Variants in ZNF622 observed in about 807,000 individuals in gnomAD.
The protein encoded by ZNF622 is cytoplasmic 60S subunit biogenesis factor ZNF622.
ZNF622 carries 34 observed loss-of-function variants against 49.7 expected under a neutral mutation model. That is an observed-to-expected ratio of 0.68 (90% CI 0.52 to 0.91). The LOEUF is 0.91. ZNF622 is among the 40% of genes least tolerant of loss of function. ZNF622 has a pLI of 0.00. For missense variants in ZNF622, 569 were observed against 616.4 expected, an observed-to-expected ratio of 0.92 and a Z score of 0.81; for synonymous variants, 209 against 228.7, an observed-to-expected ratio of 0.91 and a Z score of 0.78.
At chr5:16,460,458 A>G (rs1335871358) in intron 3 of ZNF622, among the ~76,000 whole-genome samples, 1 of 152,218 alleles carries the variant, frequency 6.6e-6, no homozygotes, top group Non-Finnish European at 1.5e-5. Flanking sequence ...TCCACATAAA[A>G]TGCTTATTAG....
Position 16,455,931 on chromosome 5 carries a change from G to A in ZNF622, c.1162+2586C>T, listed in dbSNP as rs558182307. ...TTAGCACCACGTATGATGGGCTAAG[G>A]ACAGCTACACTTGAAGGCCCTCATC... On this transcript the variant is annotated intron_variant, in intron 4 of 5. Transcript: ENST00000308683. Among the ~76,000 whole-genome samples, 18 of 152,278 alleles carry A rather than the reference G, an allele frequency of 1.2e-4. No individual in the cohort carries two copies. In the East Asian group the frequency reaches 2.9e-3, roughly 25 times the overall value.
intron 4 of ZNF622, among the ~76,000 whole-genome samples, chr5:16,453,693 G>A (rs1737976055): frequency 6.7e-6 from 1 of 150,122 alleles, no homozygotes; most frequent in Non-Finnish European, 1.5e-5. Context: ...CCTTTCCTTT[G>A]CTTAAACTCT....
At position 16,465,591 on chromosome 5, in the gene ZNF622, C is replaced by T. The variant is rs1738207363; in HGVS notation, c.75G>A (p.Thr25=). The part of the protein sequence containing the change: ...DADMQRAHYK[T]DWHRYNLRRK... ...GCCGCAGGTTGTAGCGGTGCCAGTCCGTCTTATAGTGGGCCCGCTGCATGT... is the reference window on the plus strand; with the variant it reads ...GCCGCAGGTTGTAGCGGTGCCAGTCTGTCTTATAGTGGGCCCGCTGCATGT... Residue 25 remains threonine (T), a synonymous_variant, in exon 1 of 6, where the codon ACG becomes ACA. Coordinates refer to ENST00000308683, the MANE Select transcript of ZNF622 (RefSeq NM_033414.3). The surrounding 1 kb of genome is among the most constrained non-coding windows in gnomAD (Gnocchi z 6.2). The T allele has an allele frequency of 6.2e-7, 1 of 1,610,666 alleles. No individual in the cohort carries two copies. Among genetic ancestry groups the T allele is most frequent in the South Asian group, 1.1e-5 (1 of 90,864 alleles).
chr5:16,453,664 T>TA, intron 4 of ZNF622, among the ~76,000 whole-genome samples: 1 of 148,808 alleles, frequency 6.7e-6, no homozygotes, highest in East Asian at 2.0e-4. Flanking sequence ...AGTCAGGATC[T>TA]AAAATAGAAA....
At position 16,452,459 on chromosome 5, in the gene ZNF622, A is replaced by G. The variant is rs976958979; in HGVS notation, c.1306+554T>C. On this transcript the variant is annotated intron_variant, in intron 5 of 5. Transcript: ENST00000308683. ...CTAAATTTTCTATGGGAAAATTACA[A>G]AAAAGGGGACTGATAGCTAACCTCG... is the stretch of plus-strand genomic sequence containing the variant. 2.6e-5 allele frequency among the ~76,000 whole-genome samples: 4 copies of G among 152,210 alleles called. No homozygotes were observed. In the South Asian group the frequency reaches 8.3e-4, roughly 31 times the overall value.
chr5:16,452,976 T>C (rs1294070771), intron 5 of ZNF622, 37 bp downstream of exon 5: 1 of 1,376,434 alleles, frequency 7.3e-7, no homozygotes, highest in Non-Finnish European at 9.5e-7. Context: ...GAAATACAAG[T>C]TCTCAGACTG....
chr5:16,460,721 GACAA>G (rs1738108451), intron 3 of ZNF622, among the ~76,000 whole-genome samples: 1 of 151,816 alleles, frequency 6.6e-6, no homozygotes, highest in Non-Finnish European at 1.5e-5. Context: ...ATTTTTTTAA[GACAA>G]ACAAATCATT....
chr5:16,452,817 T>C (rs553850676), intron 5 of ZNF622, among the ~76,000 whole-genome samples, 196 bp downstream of exon 5: 7 of 152,252 alleles, frequency 4.6e-5, no homozygotes, highest in African/African-American at 7.2e-5. Flanking sequence ...GCCAGGAATA[T>C]GAAATTTCTA....
intron 3 of ZNF622, among the ~76,000 whole-genome samples, chr5:16,458,831 C>T (rs1386544788): frequency 6.6e-6 from 1 of 152,206 alleles, no homozygotes; most frequent in Non-Finnish European, 1.5e-5. Flanking sequence ...GAGCAAATGA[C>T]ATATAACAGA....
chr5:16,458,146 A>G (rs1738060627), intron 4 of ZNF622, among the ~76,000 whole-genome samples: 1 of 152,178 alleles, frequency 6.6e-6, no homozygotes, highest in Non-Finnish European at 1.5e-5. Context: ...AACAAAAGGA[A>G]ACAGGAATCA....
chr5:16,464,962 C>G (rs1317911419), intron 1 of ZNF622, 79 bp downstream of exon 1: 3 of 1,508,438 alleles, frequency 2.0e-6, no homozygotes, highest in South Asian at 2.7e-5. Context: ...CACACACACA[C>G]CCATCTCGAG....
chr5:16,452,972 CA>C (rs1737958493), intron 5 of ZNF622, 40 bp downstream of exon 5: 1 of 1,365,040 alleles, frequency 7.3e-7, no homozygotes, highest in East Asian at 2.7e-5. Flanking sequence ...TCTAGAAATA[CA>C]AGTTCTCAGA....
chr5:16,451,640 T>G lies in ZNF622; in HGVS notation c.*17A>C. 6.2e-7 allele frequency: 1 copy of G among 1,611,316 alleles called. No individual in the cohort carries two copies. The highest frequency in any genetic ancestry group is 8.5e-7 in the Non-Finnish European group (1 of 1,178,542). On this transcript the variant is annotated 3_prime_UTR_variant, in exon 6 of 6. Transcript: ENST00000308683. Reference sequence around the variant, plus strand: ...GGAAACTTGGGCAGGAGATGATTGCTCAATCCCAGCAGACTCTCAGAATCT... The same window carrying G: ...GGAAACTTGGGCAGGAGATGATTGCGCAATCCCAGCAGACTCTCAGAATCT...
At chr5:16,461,292 T>C (rs1009614719) in intron 3 of ZNF622, among the ~76,000 whole-genome samples, 2 of 152,250 alleles carry the variant, frequency 1.3e-5, no homozygotes, top group African/African-American at 4.8e-5. Context: ...TTGCAGGCCA[T>C]TATACTTTGG....
chr5:16,464,960 C>T (rs1020115561), intron 1 of ZNF622, 81 bp downstream of exon 1: 17 of 1,506,640 alleles, frequency 1.1e-5, no homozygotes, highest in Non-Finnish European at 1.5e-5. Context: ...CACACACACA[C>T]ACCCATCTCG....
intron 4 of ZNF622, among the ~76,000 whole-genome samples, chr5:16,454,490 A>C (rs1266902521): frequency 6.7e-6 from 1 of 148,900 alleles, no homozygotes; most frequent in Non-Finnish European, 1.5e-5. Context: ...TCCGTCTCCA[A>C]AAAAAAAAAA....
chr5:16,463,165 C>T lies in ZNF622; in HGVS notation c.992G>A (p.Cys331Tyr), dbSNP rs1237527701. Residue 331 changes from cysteine to tyrosine, a missense_variant, in exon 3 of 6, where the codon TGT becomes TAT. Cys to Tyr is a radical substitution (Grantham distance 194). Coordinates refer to ENST00000308683, the MANE Select transcript of ZNF622 (RefSeq NM_033414.3). This position sits in a 1 kb window ranked among gnomAD's most constrained non-coding sequence, Gnocchi z 4.2. The part of the protein sequence containing the change: ...VQAHMNDKSH[C>Y]KLFTDGDAAL... ...AGCATCGCCATCTGTGAAGAGCTTA[C>T]AGTGGCTTTTGTCATTCATATGTGC... The T allele has an allele frequency of 3.7e-6, 6 of 1,613,920 alleles. No homozygotes were observed. Among genetic ancestry groups the T allele is most frequent in the South Asian group, 1.1e-5 (1 of 90,994 alleles).
intron 3 of ZNF622, 98 bp from the exon 4 acceptor site, chr5:16,458,727 C>T: frequency 1.2e-6 from 1 of 814,258 alleles, no homozygotes; most frequent in South Asian, 1.9e-5. Flanking sequence ...CCTAAGCTAC[C>T]TAAAAGGGAG....
intron 3 of ZNF622, among the ~76,000 whole-genome samples, chr5:16,460,799 A>C (rs1738109410): frequency 6.6e-6 from 1 of 152,148 alleles, no homozygotes; most frequent in Non-Finnish European, 1.5e-5. Context: ...AACAGAATAA[A>C]ACTGTAAATG....
Sources: allele counts gnomAD v4.1 joint callset (sites outside exome capture counted in the v4.1 genomes callset), GRCh38; gene constraint gnomAD v4.1.1; non-coding constraint Gnocchi (gnomAD v3.1); transcripts MANE v1.5; gene names NCBI Gene and HGNC (gene_info 2026-07-23, HGNC 2026-07-21).